Variants in MSH3 observed in about 807,000 individuals in gnomAD.
MSH3 encodes the protein DNA mismatch repair protein Msh3.
MSH3 carries 106 observed loss-of-function variants against 123.3 expected under a neutral mutation model. The observed-to-expected ratio is 0.86, with a 90% CI of 0.73 to 1.01. MSH3 has a LOEUF of 1.01. Among genes scored for constraint, MSH3 ranks in the 50% least tolerant of loss-of-function variants. MSH3 has a pLI of 0.00. For missense variants in MSH3, 1,459 were observed against 1,347.6 expected (o/e 1.08, Z -1.29); for synonymous variants, 515 against 481.4 (o/e 1.07, Z -0.91).
At chr5:80,791,982 A>G (rs1186306622) in intron 18 of MSH3, among the ~76,000 whole-genome samples, 2 of 152,230 alleles carry the variant, frequency 1.3e-5, no homozygotes, top group Non-Finnish European at 2.9e-5. Context: ...CATAAAGAAC[A>G]TCAAGGTCAA....
rs1554066045 is a variant in MSH3, at chr5:80,654,889, T to TGCAGAGGCCGCAGCGGCC, written c.166_167insAGGCCGCAGCGGCCGCAG (p.Ala55_Ala56insGluAlaAlaAlaAlaAla). 1.2e-5 allele frequency: 10 copies of TGCAGAGGCCGCAGCGGCC among 825,120 alleles called. No individual in the cohort carries two copies. The African/African-American group carries it at 3.0e-4, about 25-fold the overall frequency. 51.1% of individuals were successfully genotyped at this position (825,120 alleles called of 1,614,324 possible). A position where few individuals can be genotyped will look rare whatever the true frequency, so the allele number is the denominator to read the frequency against. On this transcript the variant is annotated inframe_insertion, in exon 1 of 24. Coordinates refer to ENST00000265081, the MANE Select transcript of MSH3 (RefSeq NM_002439.5). Reference sequence around the variant, plus strand: ...AGGTGGACCCTGGCGCTGCAGCGGCTGCAGCGGCCGCAGCGGCCGCAGCGC... The same window carrying TGCAGAGGCCGCAGCGGCC: ...AGGTGGACCCTGGCGCTGCAGCGGCTGCAGAGGCCGCAGCGGCCGCAGCGGCCGCAGCGGCCGCAGCGC...
chr5:80,709,246 C>CCCTGAGCT (rs1750792217), intron 8 of MSH3, among the ~76,000 whole-genome samples: 1 of 115,442 alleles, frequency 8.7e-6, no homozygotes, highest in Non-Finnish European at 1.8e-5. Context: ...TGTGTGTGTA[C>CCCTGAGCT]CCTGAGCTAA....
chr5:80,695,087 GTTT>G (rs57947652), intron 8 of MSH3, among the ~76,000 whole-genome samples: 1 of 115,306 alleles, frequency 8.7e-6, no homozygotes, highest in African/African-American at 3.2e-5. Context: ...TTTTTTTGTT[GTTT>G]TTTTTTTTTT....
intron 20 of MSH3, among the ~76,000 whole-genome samples, chr5:80,836,956 G>A (rs193086494): frequency 2.9e-4 from 44 of 152,232 alleles, no homozygotes; most frequent in African/African-American, 9.6e-4. Context: ...AGTACATGCC[G>A]TGTGTTAGAG....
intron 4 of MSH3, 106 bp downstream of exon 4, chr5:80,670,415 C>A: frequency 1.7e-6 from 2 of 1,154,218 alleles, no homozygotes; most frequent in Non-Finnish European, 2.5e-6. Flanking sequence ...CTGATTTGAT[C>A]AATCACCTTT....
intron 20 of MSH3, among the ~76,000 whole-genome samples, chr5:80,827,084 A>G (rs756759032): frequency 6.6e-6 from 1 of 152,226 alleles, no homozygotes; most frequent in Non-Finnish European, 1.5e-5. Flanking sequence ...CTTGATGAAT[A>G]TAAACTTAAA....
At chr5:80,774,374 C>T (rs1434495160) in intron 15 of MSH3, among the ~76,000 whole-genome samples, 1 of 150,084 alleles carries the variant, frequency 6.7e-6, no homozygotes, top group Non-Finnish European at 1.5e-5. Flanking sequence ...AATACTACCA[C>T]TACCACTGTG....
intron 10 of MSH3, among the ~76,000 whole-genome samples, chr5:80,740,764 G>T (rs1014821392): frequency 2.7e-5 from 4 of 150,942 alleles, no homozygotes; most frequent in Admixed American, 2.0e-4. Flanking sequence ...GCCCAGGTTG[G>T]AGTGCAGTGG....
rs369314746 is a variant in MSH3 at position 80,710,403 on chromosome 5, C to T, written c.1341-15050C>T. On this transcript the variant is annotated intron_variant, in intron 8 of 23. Transcript: ENST00000265081. ...GCAAAAGGGGTAATATTTTATAGCA[C>T]AATTAAAATTATTTTGGTTAATATT... Among the ~76,000 whole-genome samples the T allele has an allele frequency of 1.9e-4, 29 of 152,238 alleles. 1 individual carries two copies. In the East Asian group the frequency reaches 2.3e-3, roughly 12 times the overall value.
At chr5:80,698,380 C>G (rs536199547) in intron 8 of MSH3, among the ~76,000 whole-genome samples, 9 of 152,322 alleles carry the variant, frequency 5.9e-5, no homozygotes, top group Non-Finnish European at 1.2e-4. Context: ...AAGATCCCTC[C>G]TTTCCAAGTT....
intron 8 of MSH3, among the ~76,000 whole-genome samples, chr5:80,680,200 C>G (rs1404331890): frequency 6.6e-6 from 1 of 150,930 alleles, no homozygotes; most frequent in East Asian, 1.9e-4. Context: ...GCAGAGGTTG[C>G]AATGAGCCAA....
At position 80,709,209 on chromosome 5, in the gene MSH3, A is replaced by ATGTGTGTG. The variant is rs139977038; in HGVS notation, c.1341-16216_1341-16209dup. On this transcript the variant is annotated intron_variant, in intron 8 of 23. Coordinates refer to ENST00000265081, the MANE Select transcript of MSH3 (RefSeq NM_002439.5). ...CATTAGCGATGAATATAAAATAGAT[A>ATGTGTGTG]TGTGTGTGTGTGTGTGTGTGTGTGT... Among the ~76,000 whole-genome samples the ATGTGTGTG allele has an allele frequency of 5.7e-3, 840 of 147,108 alleles. 3 individuals carry two copies. Among genetic ancestry groups the ATGTGTGTG allele is most frequent in the African/African-American group, 0.011 (452 of 39,672 alleles).
At chr5:80,769,973 C>T (rs995460703) in intron 15 of MSH3, among the ~76,000 whole-genome samples, 16 of 152,212 alleles carry the variant, frequency 1.1e-4, no homozygotes, top group Admixed American at 2.6e-4. Context: ...GTCAACCTGT[C>T]TTCTGAACTA....
chr5:80,656,387 C>T, intron 1 of MSH3, 24 bp from the exon 2 acceptor site: 1 of 1,613,720 alleles, frequency 6.2e-7, no homozygotes, highest in Non-Finnish European at 8.5e-7. Flanking sequence ...GATAACACAT[C>T]ATTTTCTAAC....
intron 8 of MSH3, among the ~76,000 whole-genome samples, chr5:80,699,897 C>G (rs1449703561): frequency 1.3e-5 from 2 of 152,216 alleles, no homozygotes; most frequent in African/African-American, 4.8e-5. Context: ...CCCTCTGGCG[C>G]TTGAAACCTT....
intron 20 of MSH3, among the ~76,000 whole-genome samples, chr5:80,816,599 G>C (rs1365817220): frequency 1.3e-5 from 2 of 152,114 alleles, no homozygotes; most frequent in Admixed American, 6.5e-5. Flanking sequence ...AGAATGTCTG[G>C]AGAAAAAACC....
chr5:80,704,132 A>G (rs1750670113), intron 8 of MSH3, among the ~76,000 whole-genome samples: 1 of 152,170 alleles, frequency 6.6e-6, no homozygotes, highest in Non-Finnish European at 1.5e-5. Flanking sequence ...GGGGTCTATC[A>G]GCACTGGGTC....
chr5:80,753,026 G>A (rs1179087980), intron 12 of MSH3, among the ~76,000 whole-genome samples: 1 of 152,260 alleles, frequency 6.6e-6, no homozygotes, highest in Admixed American at 6.5e-5. Context: ...AGAGATACAG[G>A]TAGGCTGGTG....
At chr5:80,693,501 GTT>G (rs1271677792) in intron 8 of MSH3, among the ~76,000 whole-genome samples, 1 of 149,348 alleles carries the variant, frequency 6.7e-6, no homozygotes, top group Admixed American at 6.7e-5. Flanking sequence ...ACATGTATAT[GTT>G]TATATAAATA....
Sources: gnomAD v4.1 joint callset for allele counts (sites outside exome capture counted in the v4.1 genomes callset) on GRCh38, gnomAD v4.1.1 for gene constraint, MANE v1.5 for transcripts, NCBI Gene and HGNC (gene_info 2026-07-23, HGNC 2026-07-21) for gene names.